FERMT2: variants seen among roughly 807,000 people sequenced by gnomAD.
FERMT2 encodes the protein FERM domain containing kindlin 2.
FERMT2 carries 15 observed loss-of-function variants against 82.7 expected under a neutral mutation model. The ratio of observed to expected loss-of-function variants is 0.18; its 90% CI spans 0.12 to 0.28. The LOEUF is 0.28. Ranked by LOEUF, FERMT2 falls within the 10% of genes least tolerant of loss-of-function variation. The probability of loss-of-function intolerance (pLI) is 1.00; values close to 1 mark genes in which losing one functional copy is unlikely to be tolerated. For missense variants in FERMT2, 645 were observed against 809.4 expected, an observed-to-expected ratio of 0.80 and a Z score of 2.46; for synonymous variants, 274 against 271.5, an observed-to-expected ratio of 1.01 and a Z score of -0.09.
chr14:52,861,704 T>A (rs989689325), intron 12 of FERMT2: 5 of 152,648 alleles, frequency 3.3e-5, no homozygotes, highest in African/African-American at 1.2e-4. Context: ...TAAATCAACA[T>A]ATAGAATAAT....
At chr14:52,889,236 T>C (rs1594952449) in intron 4 of FERMT2, among the ~76,000 whole-genome samples, 1 of 152,244 alleles carries the variant, frequency 6.6e-6, no homozygotes, top group African/African-American at 2.4e-5. Context: ...ATAAATGTGG[T>C]TGTCAGTAAT....
rs138631913 is a variant in FERMT2, at chr14:52,860,346, A to C, written c.1722T>G (p.Ile574Met). The C allele has an allele frequency of 4.6e-4, 741 of 1,613,740 alleles. 1 individual carries two copies. The highest frequency in any genetic ancestry group is 5.8e-4 in the Non-Finnish European group (682 of 1,179,930). ...SLPEFGITHF[I>M]ARFQGGKKEE... ...AGATGCTTAGAACCACTGACCTTGC[A>C]ATGAAGTGAGTGATGCCAAATTCAG... The change falls in exon 13 of 15, where the codon ATT (isoleucine) becomes ATG (methionine). Residue 574 changes from isoleucine to methionine, a missense_variant. Ile to Met is a conservative substitution (Grantham distance 10). Coordinates refer to ENST00000341590, the MANE Select transcript of FERMT2 (RefSeq NM_006832.3).
chr14:52,869,144 G>A (rs1028605851), intron 10 of FERMT2, among the ~76,000 whole-genome samples: 5 of 152,136 alleles, frequency 3.3e-5, no homozygotes, highest in African/African-American at 1.2e-4. Flanking sequence ...AGGGAAGCAG[G>A]AGAAGGTTGC....
chr14:52,932,535 AAT>A (rs1447791425), intron 2 of FERMT2, among the ~76,000 whole-genome samples: 2 of 152,248 alleles, frequency 1.3e-5, no homozygotes, highest in African/African-American at 4.8e-5. Flanking sequence ...TGCATATACT[AAT>A]ATGCAAAATT....
At position 52,874,215 on chromosome 14, in the gene FERMT2, A is replaced by C. The variant is rs147958596; in HGVS notation, c.1110T>G (p.Thr370=). The C allele has an allele frequency of 1.3e-4, 214 of 1,594,820 alleles. 1 individual carries two copies. In the African/African-American group the frequency reaches 2.6e-3, roughly 20 times the overall value. ...GKTSTILGDI[T]SIPELADYIK... The stretch of plus-strand genomic sequence containing the variant: ...TGTAGTCAGCAAGTTCAGGAATGGA[A>C]GTAATGTCACCCTAGGAGAGAGTTA... Residue 370 remains threonine, a synonymous_variant, in exon 9 of 15, where the codon ACT becomes ACG. Transcript: ENST00000341590.
At chr14:52,914,415 A>T (rs1174503635) in intron 3 of FERMT2, among the ~76,000 whole-genome samples, 1 of 104,390 alleles carries the variant, frequency 9.6e-6, no homozygotes, top group Non-Finnish European at 2.2e-5. Flanking sequence ...TCCCCCCAAA[A>T]CAACAACAAA....
chr14:52,902,653 A>C (rs1887721055), intron 3 of FERMT2, among the ~76,000 whole-genome samples: 1 of 151,000 alleles, frequency 6.6e-6, no homozygotes, highest in Admixed American at 6.6e-5. Context: ...TGGATTACCC[A>C]AAGTCAGGAA....
chr14:52,921,923 T>C (rs1290223146), intron 2 of FERMT2, among the ~76,000 whole-genome samples: 1 of 152,120 alleles, frequency 6.6e-6, no homozygotes, highest in African/African-American at 2.4e-5. Flanking sequence ...ACATCTAGTG[T>C]CAATGTCACC....
rs137875900 is a variant in FERMT2 at position 52,904,033 on chromosome 14, G to A, written c.392-10606C>T. Among the ~76,000 whole-genome samples the A allele has an allele frequency of 3.3e-3, 506 of 152,318 alleles. 2 individuals are homozygous for A. The highest frequency in any genetic ancestry group is 0.012 in the African/African-American group (490 of 41,578). On this transcript the variant is annotated intron_variant, in intron 3 of 14. Transcript: ENST00000341590. ...GCAACAAATATATGTTGCAAAAGCA[G>A]CAAATGATAAAAAAGATATATGACA...
At chr14:52,877,598 T>G (rs1402831607) in intron 7 of FERMT2, among the ~76,000 whole-genome samples, 1 of 146,040 alleles carries the variant, frequency 6.8e-6, no homozygotes, top group South Asian at 2.2e-4. Flanking sequence ...TTTTTTTTTT[T>G]GCTAACCTCA....
At chr14:52,868,073 C>A (rs1368263820) in intron 10 of FERMT2, among the ~76,000 whole-genome samples, 1 of 152,174 alleles carries the variant, frequency 6.6e-6, no homozygotes, top group Non-Finnish European at 1.5e-5. Flanking sequence ...AAGCAATCTC[C>A]TTACCATTTT....
At chr14:52,867,769 C>T (rs561521057) in intron 10 of FERMT2, among the ~76,000 whole-genome samples, 1 of 152,272 alleles carries the variant, frequency 6.6e-6, no homozygotes, top group African/African-American at 2.4e-5. Context: ...CCTTTTTCTA[C>T]ATTCTTCTCA....
chr14:52,869,452 A>G (rs1016227589), intron 10 of FERMT2, among the ~76,000 whole-genome samples: 2 of 152,240 alleles, frequency 1.3e-5, no homozygotes, highest in African/African-American at 4.8e-5. Context: ...CACGCATTGC[A>G]TAACAGCATT....
chr14:52,876,677 C>T (rs1244545195), intron 7 of FERMT2, among the ~76,000 whole-genome samples: 1 of 152,168 alleles, frequency 6.6e-6, no homozygotes, highest in Non-Finnish European at 1.5e-5. Context: ...TTTATCCCCA[C>T]CTTCTTGTTT....
Position 52,894,902 on chromosome 14 carries a change from A to C in FERMT2, c.392-1475T>G, listed in dbSNP as rs199788363. On this transcript the variant is annotated intron_variant, in intron 3 of 14. Transcript: ENST00000341590. ...ATTTAAAAATAAAAAAAAAAAAAAA[A>C]CCCCAACCTACCTACTCTTTAAAAG... Among the ~76,000 whole-genome samples, 71 of 126,680 alleles carry C rather than the reference A, an allele frequency of 5.6e-4. No homozygotes were observed. The East Asian group carries it at 0.016, about 28-fold the overall frequency. The allele number at this position is 126,680 out of a possible 152,430, so 83.1% of individuals were successfully genotyped here.
At chr14:52,913,318 TC>T (rs1888429958) in intron 3 of FERMT2, among the ~76,000 whole-genome samples, 1 of 152,262 alleles carries the variant, frequency 6.6e-6, no homozygotes, top group Non-Finnish European at 1.5e-5. Context: ...CACTATGAGA[TC>T]CCTCGGGAGT....
Position 52,858,295 on chromosome 14 carries a change from C to T in FERMT2, c.*82G>A. ...GATAAAATGATAAATTTCAAGCTTA[C>T]TTTATTAAGCAGCATATAACAAACA... On this transcript the variant is annotated 3_prime_UTR_variant, in exon 15 of 15. Transcript: ENST00000341590. The T allele has an allele frequency of 3.2e-6, 4 of 1,239,510 alleles. No individual in the cohort carries two copies. The highest frequency in any genetic ancestry group is 4.6e-6 in the Non-Finnish European group (4 of 871,064). The allele number at this position is 1,239,510 out of a possible 1,614,324, so 76.8% of individuals were successfully genotyped here.
chr14:52,874,715 C>T (rs1390893162), intron 8 of FERMT2, among the ~76,000 whole-genome samples: 1 of 152,148 alleles, frequency 6.6e-6, no homozygotes, highest in African/African-American at 2.4e-5. Flanking sequence ...TGTCTTCCCA[C>T]CACTTGTAAA....
Position 52,878,566 on chromosome 14 carries a change from T to A in FERMT2, c.963+16A>T. On this transcript the variant is annotated intron_variant, in intron 7 of 14. Coordinates refer to ENST00000341590, the MANE Select transcript of FERMT2 (RefSeq NM_006832.3). ...CTTTACCGGAATAAGTCCCATTTAC[T>A]AGACCTTTCAACTACCTGCAGGGCT... The A allele has an allele frequency of 6.6e-7, 1 of 1,520,492 alleles. No individual in the cohort carries two copies. Among genetic ancestry groups the A allele is most frequent in the Non-Finnish European group, 9.1e-7 (1 of 1,100,164 alleles). The allele number at this position is 1,520,492 out of a possible 1,614,324, so 94.2% of individuals were successfully genotyped here.
Sources: allele counts gnomAD v4.1 joint callset (sites outside exome capture counted in the v4.1 genomes callset), GRCh38; gene constraint gnomAD v4.1.1; transcripts MANE v1.5; gene names NCBI Gene and HGNC (gene_info 2026-07-23, HGNC 2026-07-21).